The following FGF14 variants were observed in gnomAD, a reference collection of about 807,000 sequenced individuals.
FGF14 encodes fibroblast growth factor homologous factor 4.
Under a neutral mutation model 25.5 loss-of-function variants are expected in FGF14, and 5 were observed. The observed-to-expected ratio is 0.20, with a 90% CI of 0.10 to 0.41. The LOEUF is 0.41. Among genes scored for constraint, FGF14 ranks in the 10% least tolerant of loss-of-function variants. FGF14 has a pLI of 1.00. For synonymous variants in FGF14, 138 were observed against 118.3 expected (o/e 1.17, Z -1.08); for missense variants, 222 against 320.1 (o/e 0.69, Z 2.34).
At chr13:102,384,121 T>C (rs1023139940) in intron 1 of FGF14, among the ~76,000 whole-genome samples, 6 of 152,036 alleles carry the variant, frequency 3.9e-5, no homozygotes, top group Non-Finnish European at 7.4e-5. Flanking sequence ...TCTAGTAGCA[T>C]TTCTGTTACA....
chr13:102,003,794 A>T (rs550546435), intron 1 of FGF14, among the ~76,000 whole-genome samples: 2 of 152,150 alleles, frequency 1.3e-5, no homozygotes, highest in South Asian at 4.1e-4. Context: ...CAAAAATGGC[A>T]TCCTCTAGTT....
chr13:102,321,624 G>C (rs569204121), intron 1 of FGF14, among the ~76,000 whole-genome samples: 1 of 151,984 alleles, frequency 6.6e-6, no homozygotes, highest in African/African-American at 2.4e-5. Flanking sequence ...AACTGAATAG[G>C]GACCTACTGC....
intron 3 of FGF14, among the ~76,000 whole-genome samples, chr13:101,737,584 A>G (rs974814763): frequency 1.3e-5 from 2 of 152,106 alleles, no homozygotes; most frequent in East Asian, 3.8e-4. Context: ...TTCTGTCTTG[A>G]ATAATTGAAT....
At chr13:102,031,644 G>A (rs57671834) in intron 1 of FGF14, among the ~76,000 whole-genome samples, 1 of 149,758 alleles carries the variant, frequency 6.7e-6, no homozygotes, top group East Asian at 2.0e-4. Context: ...TCCCAATACA[G>A]ATATAATGAA....
chr13:101,865,008 T>A (rs913938598), intron 3 of FGF14, among the ~76,000 whole-genome samples: 22 of 152,116 alleles, frequency 1.4e-4, no homozygotes, highest in African/African-American at 4.8e-4. Context: ...CAGGTATTGG[T>A]TGTCAGATCC....
At chr13:101,858,474 CAA>C (rs1236364852) in intron 3 of FGF14, among the ~76,000 whole-genome samples, 1 of 151,900 alleles carries the variant, frequency 6.6e-6, no homozygotes, top group African/African-American at 2.4e-5. Flanking sequence ...AGAGTGAAAA[CAA>C]AGAGAGAATA....
intron 3 of FGF14, among the ~76,000 whole-genome samples, chr13:101,821,471 G>C (rs377359377): frequency 2.0e-5 from 3 of 152,206 alleles, no homozygotes; most frequent in South Asian, 2.1e-4. Context: ...GTTCCGGTTT[G>C]GGGGCCATTA....
rs1379157346 is a variant in FGF14 at position 102,332,694 on chromosome 13, G to T, written c.208+68777C>A. Among the ~76,000 whole-genome samples, 3 of 152,140 alleles carry T rather than the reference G, an allele frequency of 2.0e-5. No individual in the cohort carries two copies. The East Asian group carries it at 5.8e-4, about 29-fold the overall frequency. On this transcript the variant is annotated intron_variant, in intron 1 of 4. Coordinates refer to the FGF14 transcript ENST00000376131. ...CAGACCTGTCTCCTCTCAAGTGCTG[G>T]TTGAAATGTTACCATCCTTCTTGAC...
Position 102,079,616 on chromosome 13 carries a change from T to C in FGF14, c.209-204320A>G, listed in dbSNP as rs150139736. On this transcript the variant is annotated intron_variant, in intron 1 of 4. Coordinates refer to the FGF14 transcript ENST00000376131. ...TTTATTAAGTGTCTTTTATGCGCCATGTACCATACATGATACTGGGGCACA... is the reference window on the plus strand; with the variant it reads ...TTTATTAAGTGTCTTTTATGCGCCACGTACCATACATGATACTGGGGCACA... Among the ~76,000 whole-genome samples, 546 of 152,246 alleles carry C rather than the reference T, an allele frequency of 3.6e-3. 3 individuals carry two copies. Among genetic ancestry groups the C allele is most frequent in the African/African-American group, 0.013 (522 of 41,538 alleles).
chr13:101,966,786 A>G (rs549638347), intron 1 of FGF14, among the ~76,000 whole-genome samples: 1 of 152,188 alleles, frequency 6.6e-6, no homozygotes, highest in East Asian at 1.9e-4. Flanking sequence ...TGGCCAAATC[A>G]TTGTGTTTAA....
At chr13:101,973,624 C>A (rs1470685392) in intron 1 of FGF14, among the ~76,000 whole-genome samples, 1 of 152,134 alleles carries the variant, frequency 6.6e-6, no homozygotes, top group East Asian at 1.9e-4. Context: ...AGGAAGCATC[C>A]AGCACGGGAG....
intron 1 of FGF14, among the ~76,000 whole-genome samples, chr13:102,097,006 G>C (rs2044432745): frequency 6.7e-6 from 1 of 149,670 alleles, no homozygotes; most frequent in African/African-American, 2.5e-5. Flanking sequence ...ATAACTGTCT[G>C]CTTCAGGCAA....
chr13:101,789,204 G>C (rs2040088220), intron 3 of FGF14, among the ~76,000 whole-genome samples: 1 of 151,768 alleles, frequency 6.6e-6, no homozygotes, highest in Non-Finnish European at 1.5e-5. Context: ...TTAATGTCTG[G>C]AATGGAGCTC....
At chr13:102,371,394 T>A (rs914016368) in intron 1 of FGF14, among the ~76,000 whole-genome samples, 2 of 151,910 alleles carry the variant, frequency 1.3e-5, no homozygotes, top group Non-Finnish European at 2.9e-5. Flanking sequence ...TTACTCATTA[T>A]CTCTCTCTCT....
At chr13:102,301,356 T>C (rs1421298834) in intron 1 of FGF14, among the ~76,000 whole-genome samples, 1 of 152,206 alleles carries the variant, frequency 6.6e-6, no homozygotes, top group Non-Finnish European at 1.5e-5. Flanking sequence ...AGCTGATGTA[T>C]AATGACTAAG....
Position 101,970,198 on chromosome 13 carries a change from G to C in FGF14, c.209-94902C>G, listed in dbSNP as rs867852081. On this transcript the variant is annotated intron_variant, in intron 1 of 4. Transcript: ENST00000376131. ...TTCTTTACAGAGACAATACACAGGAGATCTAGACCTTGTATGCAGATCTTT... is the reference window on the plus strand; with the variant it reads ...TTCTTTACAGAGACAATACACAGGACATCTAGACCTTGTATGCAGATCTTT... Among the ~76,000 whole-genome samples, 13 of 152,324 alleles carry C rather than the reference G, an allele frequency of 8.5e-5. No individual in the cohort carries two copies. In the Middle Eastern group the frequency reaches 0.02, roughly 239 times the overall value.
At chr13:101,870,971 AATAAATAC>A (rs1566351379) in intron 2 of FGF14, among the ~76,000 whole-genome samples, 4 of 141,682 alleles carry the variant, frequency 2.8e-5, no homozygotes, top group Non-Finnish European at 6.1e-5. Flanking sequence ...TAAATAAATA[AATAAATAC>A]ATACATACAT....
chr13:101,939,108 A>C (rs1192536627), intron 1 of FGF14, among the ~76,000 whole-genome samples: 2 of 152,204 alleles, frequency 1.3e-5, no homozygotes, highest in Non-Finnish European at 2.9e-5. Flanking sequence ...CAGATTGGAA[A>C]CATCAGAATA....
chr13:101,852,333 C>T (rs1475108169), intron 3 of FGF14, among the ~76,000 whole-genome samples: 7 of 152,020 alleles, frequency 4.6e-5, no homozygotes, highest in Non-Finnish European at 1.0e-4. Flanking sequence ...TTCCTAATTA[C>T]CCACAAGCAT....
Sources: allele counts gnomAD v4.1 joint callset (sites outside exome capture counted in the v4.1 genomes callset), GRCh38; gene constraint gnomAD v4.1.1; transcripts MANE v1.5; gene names NCBI Gene and HGNC (gene_info 2026-07-23, HGNC 2026-07-21).